Variants in BRAF observed in about 807,000 individuals in gnomAD.
BRAF encodes B-Raf proto-oncogene, serine/threonine kinase.
Under a neutral mutation model 104.6 loss-of-function variants are expected in BRAF, and 16 were observed. That is an observed-to-expected ratio of 0.15 (90% CI 0.10 to 0.23). BRAF has a LOEUF of 0.23. BRAF is among the 10% of genes least tolerant of loss of function. The probability of loss-of-function intolerance (pLI) is 1.00; values close to 1 mark genes in which losing one functional copy is unlikely to be tolerated. For missense variants in BRAF, 541 were observed against 937.3 expected, an observed-to-expected ratio of 0.58 and a Z score of 5.52; for synonymous variants, 310 against 341.6, an observed-to-expected ratio of 0.91 and a Z score of 1.02.
At chr7:140,845,497 A>G (rs192407831) in intron 2 of BRAF, among the ~76,000 whole-genome samples, 10 of 152,328 alleles carry the variant, frequency 6.6e-5, no homozygotes, top group Non-Finnish European at 7.3e-5. Flanking sequence ...ACAAGAACAA[A>G]ACAAACAATC....
At chr7:140,819,594 G>A (rs1443139515) in intron 3 of BRAF, among the ~76,000 whole-genome samples, 3 of 152,318 alleles carry the variant, frequency 2.0e-5, no homozygotes, top group South Asian at 4.1e-4. Context: ...ATGTCCATCA[G>A]CTGATAAATG....
At chr7:140,765,724 G>C (rs979199016) in intron 14 of BRAF, among the ~76,000 whole-genome samples, 2 of 152,136 alleles carry the variant, frequency 1.3e-5, no homozygotes, top group African/African-American at 2.4e-5. Flanking sequence ...GGCCATCAGA[G>C]AAATGCAAAT....
chr7:140,719,292 T>C (rs1335384189), downstream of BRAF: 9 of 857,202 alleles, frequency 1.0e-5, no homozygotes, highest in Admixed American at 6.0e-5. Context: ...CTACTTTTGT[T>C]ACTGAATGTA....
At chr7:140,890,098 T>A (rs1814050052) in intron 1 of BRAF, among the ~76,000 whole-genome samples, 1 of 152,222 alleles carries the variant, frequency 6.6e-6, no homozygotes, top group African/African-American at 2.4e-5. Context: ...TTAGGCAAAT[T>A]ACTTAACCCC....
At chr7:140,787,015 CT>C (rs1801426433) in intron 9 of BRAF, among the ~76,000 whole-genome samples, 1 of 152,108 alleles carries the variant, frequency 6.6e-6, no homozygotes, top group Non-Finnish European at 1.5e-5. Flanking sequence ...TTAAGACTTC[CT>C]TTTGGCCGGG....
chr7:140,722,693 A>G lies in BRAF; in HGVS notation c.*3801T>C, dbSNP rs114893741. 6.1e-4 allele frequency: 640 copies of G among 1,051,398 alleles called. 5 individuals carry two copies. The African/African-American group carries it at 1.0e-2, about 16-fold the overall frequency. The allele number at this position is 1,051,398 out of a possible 1,614,324, so 65.1% of individuals were successfully genotyped here. On this transcript the variant is annotated 3_prime_UTR_variant, in exon 20 of 20. Coordinates refer to ENST00000644969, the MANE Select transcript of BRAF (RefSeq NM_001374258.1). Reference sequence around the variant, plus strand: ...ACCCTCTTAGCTGGGTGGTCTTTCTATGAATGCCTGTGCATGTGACAAAGC... The same window carrying G: ...ACCCTCTTAGCTGGGTGGTCTTTCTGTGAATGCCTGTGCATGTGACAAAGC...
At chr7:140,882,228 A>G (rs1156773403) in intron 1 of BRAF, among the ~76,000 whole-genome samples, 5 of 152,214 alleles carry the variant, frequency 3.3e-5, no homozygotes, top group Non-Finnish European at 7.3e-5. Flanking sequence ...GGTGGCAAAA[A>G]CCACAATTAC....
In BRAF at chr7:140,723,251, A is replaced by C. The variant is rs1334140667; in HGVS notation, c.*3243T>G. ...GAATACAAGGTAACATCCTGTGATG[A>C]AAGTGCTGTCACCGCACCAAACCAG... On this transcript the variant is annotated 3_prime_UTR_variant, in exon 20 of 20. Transcript: ENST00000644969. 2.8e-6 allele frequency: 3 copies of C among 1,056,230 alleles called. No homozygotes were observed. The highest frequency in any genetic ancestry group is 3.4e-6 in the Non-Finnish European group (3 of 873,712). 65.4% of individuals were successfully genotyped at this position (1,056,230 alleles called of 1,614,324 possible). A position where few individuals can be genotyped will look rare whatever the true frequency, so the allele number is the denominator to read the frequency against.
rs551304401 is a variant in BRAF at position 140,777,784 on chromosome 7, C to T, written c.1637+207G>A. Among the ~76,000 whole-genome samples the T allele has an allele frequency of 1.1e-4, 16 of 152,264 alleles. No individual in the cohort carries two copies. The South Asian group carries it at 1.4e-3, about 14-fold the overall frequency. On this transcript the variant is annotated intron_variant, in intron 13 of 19. Transcript: ENST00000644969. ...ATACTTCCATTAATTCAGTCTAGGA[C>T]TAAGTATTCTATCAGCCATACCATA...
At position 140,719,604 on chromosome 7, in the gene BRAF, G is replaced by A; in HGVS notation, c.*6890C>T. On this transcript the variant is annotated 3_prime_UTR_variant, in exon 20 of 20. Transcript: ENST00000644969. ...AAGAGAACCAAAGTATCAGGAAGTG[G>A]GTATGGGGGAGAATTAAAAAAAATA... 9.4e-7 allele frequency: 1 copy of A among 1,061,392 alleles called. No individual in the cohort carries two copies. The highest frequency in any genetic ancestry group is 4.6e-5 in the South Asian group (1 of 21,912). The allele number at this position is 1,061,392 out of a possible 1,614,324, so 65.7% of individuals were successfully genotyped here.
At chr7:140,909,158 G>T (rs190136576) in intron 1 of BRAF, among the ~76,000 whole-genome samples, 1 of 152,254 alleles carries the variant, frequency 6.6e-6, no homozygotes, top group African/African-American at 2.4e-5. Flanking sequence ...GGGCACAGTG[G>T]TTCATGCCTG....
chr7:140,835,107 T>A, intron 2 of BRAF: 1 of 541,394 alleles, frequency 1.8e-6, no homozygotes, highest in Non-Finnish European at 3.3e-6. Flanking sequence ...GACCTATACA[T>A]ATGTGATATC....
At chr7:140,765,677 C>A (rs376280308) in intron 14 of BRAF, among the ~76,000 whole-genome samples, 2 of 152,106 alleles carry the variant, frequency 1.3e-5, no homozygotes, top group Admixed American at 6.5e-5. Context: ...GACATTTATG[C>A]AGCCAAAAGA....
intron 14 of BRAF, among the ~76,000 whole-genome samples, chr7:140,774,258 C>T (rs1355888583): frequency 1.3e-5 from 2 of 152,170 alleles, no homozygotes; most frequent in Non-Finnish European, 2.9e-5. Context: ...TTCATACTAT[C>T]GTACACTCAT....
intron 1 of BRAF, among the ~76,000 whole-genome samples, chr7:140,877,387 T>C (rs1297976238): frequency 6.6e-6 from 1 of 151,668 alleles, no homozygotes; most frequent in African/African-American, 2.4e-5. Flanking sequence ...ATAGCTGGAA[T>C]TACAGGCATG....
At chr7:140,744,225 C>T (rs565466360) in intron 17 of BRAF, among the ~76,000 whole-genome samples, 4 of 152,312 alleles carry the variant, frequency 2.6e-5, no homozygotes, top group South Asian at 2.1e-4. Flanking sequence ...AGGTCAGCCC[C>T]GCAGGTGGTT....
At chr7:140,895,633 GA>G (rs2129122483) in intron 1 of BRAF, among the ~76,000 whole-genome samples, 1 of 152,208 alleles carries the variant, frequency 6.6e-6, no homozygotes, top group Admixed American at 6.5e-5. Flanking sequence ...TTACTTCTAT[GA>G]AATCAACTCT....
Position 140,761,645 on chromosome 7 carries a change from T to C in BRAF, c.1815-7412A>G, listed in dbSNP as rs538060279. Among the ~76,000 whole-genome samples the C allele has an allele frequency of 3.1e-4, 47 of 152,034 alleles. No individual in the cohort carries two copies. The East Asian group carries it at 8.5e-3, about 28-fold the overall frequency. On this transcript the variant is annotated intron_variant, in intron 14 of 19. Coordinates refer to ENST00000644969, the MANE Select transcript of BRAF (RefSeq NM_001374258.1). The stretch of plus-strand genomic sequence containing the variant: ...CAGTGTGCTGCATACAGGAAACCCA[T>C]CTCACATGCAGAGACACACATAGGC...
intron 1 of BRAF, among the ~76,000 whole-genome samples, chr7:140,893,133 G>C (rs1045604894): frequency 1.1e-4 from 17 of 152,142 alleles, no homozygotes; most frequent in African/African-American, 4.1e-4. Context: ...ATGGAGGAGT[G>C]ATGTATTCCC....
Sources: gnomAD v4.1 joint callset for allele counts (sites outside exome capture counted in the v4.1 genomes callset) on GRCh38, gnomAD v4.1.1 for gene constraint, MANE v1.5 for transcripts, NCBI Gene and HGNC (gene_info 2026-07-23, HGNC 2026-07-21) for gene names.